IPMK: variants seen among roughly 807,000 people sequenced by gnomAD.
The protein encoded by IPMK is inositol polyphosphate multikinase.
IPMK carries 17 observed loss-of-function variants against 45.8 expected under a neutral mutation model. The observed-to-expected ratio is 0.37, with a 90% confidence interval of 0.25 to 0.56. The LOEUF is 0.56. Ranked by LOEUF, IPMK falls within the 20% of genes least tolerant of loss-of-function variation. The pLI is 0.79. For synonymous variants in IPMK, 180 were observed against 184.3 expected (o/e 0.98, Z 0.19); for missense variants, 399 against 498.0 (o/e 0.80, Z 1.89).
At chr10:58,213,548 G>A (rs1278407948) in intron 4 of IPMK, among the ~76,000 whole-genome samples, 2 of 152,160 alleles carry the variant, frequency 1.3e-5, no homozygotes, top group African/African-American at 4.8e-5. Flanking sequence ...TTAGCAGGAT[G>A]TGGTGGCGGG....
intron 1 of IPMK, among the ~76,000 whole-genome samples, chr10:58,253,935 T>C (rs1033136168): frequency 1.3e-5 from 2 of 151,988 alleles, no homozygotes; most frequent in African/African-American, 2.4e-5. Context: ...CTGAGATATG[T>C]TTCCTTTCTC....
At chr10:58,202,684 G>A (rs1838014283) in intron 4 of IPMK, among the ~76,000 whole-genome samples, 1 of 151,992 alleles carries the variant, frequency 6.6e-6, no homozygotes, top group African/African-American at 2.4e-5. Context: ...AAAATGTGCT[G>A]AATCTACTCT....
In IPMK at chr10:58,230,968, T is replaced by C. The variant is rs191188599; in HGVS notation, c.277-3829A>G. On this transcript the variant is annotated intron_variant, in intron 2 of 5. Coordinates refer to ENST00000373935, the MANE Select transcript of IPMK (RefSeq NM_152230.5). ...GAATCGCTAACTAGAATAAACAGTG[T>C]AGAGAAGACCTTAAATGACCTGATG... is the stretch of plus-strand genomic sequence containing the variant. Among the ~76,000 whole-genome samples the C allele has an allele frequency of 5.3e-5, 8 of 152,296 alleles. No individual in the cohort carries two copies. The East Asian group carries it at 1.5e-3, about 29-fold the overall frequency.
rs1485686804 is a variant in IPMK at position 58,192,422 on chromosome 10, C to T, written c.*3654G>A. ...CAGCAAGGAAAGTGAAAAATTAAGG[C>T]TTTTTTATGCTATCTGTAACTAATA... On this transcript the variant is annotated 3_prime_UTR_variant, in exon 6 of 6. Coordinates refer to ENST00000373935, the MANE Select transcript of IPMK (RefSeq NM_152230.5). 1 of 151,830 alleles carries T rather than the reference C, an allele frequency of 6.6e-6. No individual in the cohort carries two copies. The highest frequency in any genetic ancestry group is 1.5e-5 in the Non-Finnish European group (1 of 67,858). 9.4% of individuals were successfully genotyped at this position (151,830 alleles called of 1,614,324 possible).
intron 1 of IPMK, among the ~76,000 whole-genome samples, chr10:58,264,718 G>A (rs758221608): frequency 6.6e-6 from 1 of 152,070 alleles, no homozygotes; most frequent in Non-Finnish European, 1.5e-5. Flanking sequence ...TATGATTACA[G>A]AAATAGTTAA....
intron 4 of IPMK, among the ~76,000 whole-genome samples, chr10:58,202,744 A>C (rs759751858): frequency 6.6e-6 from 1 of 152,230 alleles, no homozygotes; most frequent in Non-Finnish European, 1.5e-5. Flanking sequence ...AGCATGGTTT[A>C]CTGAATATTT....
intron 4 of IPMK, among the ~76,000 whole-genome samples, chr10:58,199,591 T>TA (rs1465466101): frequency 1.3e-5 from 2 of 152,192 alleles, no homozygotes; most frequent in African/African-American, 2.4e-5. Context: ...TACGAGGAGT[T>TA]AGTCTCAAGT....
At chr10:58,208,985 C>T (rs988475703) in intron 4 of IPMK, among the ~76,000 whole-genome samples, 1 of 152,116 alleles carries the variant, frequency 6.6e-6, no homozygotes, top group African/African-American at 2.4e-5. Flanking sequence ...ACCAAGTCAG[C>T]GGGAAAACTA....
At chr10:58,263,644 A>C (rs1839107348) in intron 1 of IPMK, among the ~76,000 whole-genome samples, 1 of 152,186 alleles carries the variant, frequency 6.6e-6, no homozygotes, top group Non-Finnish European at 1.5e-5. Flanking sequence ...ACATCACGCC[A>C]CTGCACTCCA....
chr10:58,202,219 T>C lies in IPMK; in HGVS notation c.547-2898A>G, dbSNP rs531309482. Among the ~76,000 whole-genome samples, 12 of 152,260 alleles carry C rather than the reference T, an allele frequency of 7.9e-5. No individual in the cohort carries two copies. In the East Asian group the frequency reaches 1.2e-3, roughly 15 times the overall value. The stretch of plus-strand genomic sequence containing the variant: ...TCAATGTAGATGAAACGGCCTTCTA[T>C]TGAAAAAAATGCCACCTAGGGTTTT... On this transcript the variant is annotated intron_variant, in intron 4 of 5. Transcript: ENST00000373935.
chr10:58,259,650 T>C (rs1467644828), intron 1 of IPMK, among the ~76,000 whole-genome samples: 2 of 111,884 alleles, frequency 1.8e-5, no homozygotes, highest in Non-Finnish European at 3.7e-5. Flanking sequence ...CTGGCCAGCA[T>C]GGTAAAATCC....
chr10:58,240,336 A>G (rs1195378626), intron 1 of IPMK, among the ~76,000 whole-genome samples: 1 of 151,658 alleles, frequency 6.6e-6, no homozygotes, highest in African/African-American at 2.4e-5. Context: ...CCAATACAAA[A>G]TATCTAAATT....
In IPMK at chr10:58,195,198, G is replaced by C. The variant is rs1235341702; in HGVS notation, c.*878C>G. On this transcript the variant is annotated 3_prime_UTR_variant, in exon 6 of 6. Transcript: ENST00000373935. ...TAAATTTTTAAAGAAAAAAATTCAA[G>C]TTATTTAGAGGAGAAATAAAACTTC... 2.0e-5 allele frequency: 3 copies of C among 151,966 alleles called. No individual in the cohort carries two copies. Among genetic ancestry groups the C allele is most frequent in the African/African-American group, 7.2e-5 (3 of 41,428 alleles). The allele number at this position is 151,966 out of a possible 1,614,324, so 9.4% of individuals were successfully genotyped here. A position where few individuals can be genotyped will look rare whatever the true frequency, so the allele number is the denominator to read the frequency against.
Position 58,211,901 on chromosome 10 carries a change from C to CAAAAAAAAAAAAAAA in IPMK, c.546+4229_546+4243dup, listed in dbSNP as rs753050298. ...CACTCCAGCCTGGGTGACATCTCAC[C>CAAAAAAAAAAAAAAA]AAAAAAAAAAAAAAAAAAAAAAAAT... On this transcript the variant is annotated intron_variant, in intron 4 of 5. Coordinates refer to ENST00000373935, the MANE Select transcript of IPMK (RefSeq NM_152230.5). Among the ~76,000 whole-genome samples the CAAAAAAAAAAAAAAA allele has an allele frequency of 1.9e-3, 98 of 50,362 alleles. 12 individuals carry two copies. The highest frequency in any genetic ancestry group is 7.9e-3 in the African/African-American group (87 of 11,028). 33.0% of individuals were successfully genotyped at this position (50,362 alleles called of 152,430 possible). A position where few individuals can be genotyped will look rare whatever the true frequency, so the allele number is the denominator to read the frequency against.
intron 2 of IPMK, among the ~76,000 whole-genome samples, chr10:58,235,155 A>G (rs545174772): frequency 1.3e-5 from 2 of 152,352 alleles, no homozygotes; most frequent in African/African-American, 4.8e-5. Flanking sequence ...ATCATTAAAA[A>G]GTCAGGAAAC....
intron 3 of IPMK, among the ~76,000 whole-genome samples, chr10:58,219,075 A>G (rs1838291979): frequency 6.6e-6 from 1 of 152,130 alleles, no homozygotes; most frequent in Non-Finnish European, 1.5e-5. Flanking sequence ...GGTCCTTCTT[A>G]TGTTTCATAT....
chr10:58,197,312 T>C (rs1837913497), intron 5 of IPMK, among the ~76,000 whole-genome samples: 1 of 142,628 alleles, frequency 7.0e-6, no homozygotes, highest in African/African-American at 2.7e-5. Context: ...AATAAATAAA[T>C]AAATAAATAA....
chr10:58,246,436 G>C (rs1416689632), intron 1 of IPMK, among the ~76,000 whole-genome samples: 2 of 139,014 alleles, frequency 1.4e-5, no homozygotes, highest in East Asian at 2.2e-4. Context: ...AAACAGCATG[G>C]TACTGGTACC....
chr10:58,232,134 A>G (rs1838533338), intron 2 of IPMK, among the ~76,000 whole-genome samples: 1 of 152,238 alleles, frequency 6.6e-6, no homozygotes, highest in Non-Finnish European at 1.5e-5. Context: ...AGAGTTAACT[A>G]TCCTAAATAT....
Sources: gnomAD v4.1 joint callset for allele counts (sites outside exome capture counted in the v4.1 genomes callset) on GRCh38, gnomAD v4.1.1 for gene constraint, MANE v1.5 for transcripts, NCBI Gene and HGNC (gene_info 2026-07-23, HGNC 2026-07-21) for gene names.